GLIS3: variants seen among roughly 807,000 people sequenced by gnomAD.
GLIS3 encodes the protein GLIS family zinc finger 3, also known as zinc finger protein GLIS3.
A neutral mutation model predicts 78.6 loss-of-function variants in GLIS3; 53 were observed. That is an observed-to-expected ratio of 0.67 (90% confidence interval 0.54 to 0.85). The LOEUF (loss-of-function observed/expected upper bound fraction) is 0.85. GLIS3 is among the 40% of genes least tolerant of loss of function. The pLI is 0.00. For synonymous variants in GLIS3, 684 were observed against 509.9 expected, an observed-to-expected ratio of 1.34 and a Z score of -4.60; for missense variants, 1,703 against 1,231.1, an observed-to-expected ratio of 1.38 and a Z score of -5.74.
At chr9:4,025,633 G>A (rs753386656) in intron 4 of GLIS3, among the ~76,000 whole-genome samples, 9 of 152,076 alleles carry the variant, frequency 5.9e-5, no homozygotes, top group Non-Finnish European at 8.8e-5. Context: ...TGATCCGCCC[G>A]TCTCAGCCTC....
At chr9:4,461,676 T>C in the GLIS3 span, among the ~76,000 whole-genome samples, 1 of 152,144 alleles carries the variant, frequency 6.6e-6, no homozygotes, top group African/African-American at 2.4e-5. Context: ...GAAAATAATA[T>C]GTACATTTTG....
intron 4 of GLIS3, among the ~76,000 whole-genome samples, chr9:4,096,305 T>C (rs1381818312): frequency 2.0e-5 from 3 of 152,176 alleles, no homozygotes; most frequent in South Asian, 2.1e-4. Flanking sequence ...TTCCTACCAG[T>C]TGTGTTATAA....
intron 4 of GLIS3, among the ~76,000 whole-genome samples, chr9:4,096,198 T>TA (rs1829933719): frequency 6.6e-6 from 1 of 152,194 alleles, no homozygotes; most frequent in African/African-American, 2.4e-5. Flanking sequence ...AAAAGTGACT[T>TA]AAAATCTGTG....
the GLIS3 span, among the ~76,000 whole-genome samples, chr9:4,363,292 A>G: frequency 1.3e-5 from 2 of 152,134 alleles, no homozygotes; most frequent in South Asian, 4.1e-4. Flanking sequence ...GTGTGGTGGC[A>G]CATGCCTGTA....
intron 4 of GLIS3, among the ~76,000 whole-genome samples, chr9:4,020,712 A>G (rs1822817154): frequency 6.6e-6 from 1 of 152,206 alleles, no homozygotes; most frequent in Non-Finnish European, 1.5e-5. Flanking sequence ...TCTCCCAATT[A>G]TTTACACGGT....
chr9:4,280,234 A>G (rs1310565714), intron 2 of GLIS3, among the ~76,000 whole-genome samples: 1 of 152,304 alleles, frequency 6.6e-6, no homozygotes, highest in Non-Finnish European at 1.5e-5. Context: ...TGTTGCCCAG[A>G]CTGGTCTTGA....
intron 4 of GLIS3, among the ~76,000 whole-genome samples, chr9:4,090,455 A>T (rs77053424): frequency 1.1e-4 from 15 of 133,476 alleles, no homozygotes; most frequent in African/African-American, 3.0e-4. Context: ...CTTAAAGTTT[A>T]AAAAAAAAAA....
chr9:4,372,399 G>A, the GLIS3 span, among the ~76,000 whole-genome samples: 4 of 151,858 alleles, frequency 2.6e-5, no homozygotes, highest in African/African-American at 4.8e-5. Flanking sequence ...CCCTCCCATG[G>A]TTAGCTAATT....
chr9:3,923,593 T>TTC (rs34587773), intron 6 of GLIS3, among the ~76,000 whole-genome samples: 1 of 149,008 alleles, frequency 6.7e-6, no homozygotes, highest in East Asian at 2.0e-4. Flanking sequence ...GTTTTTTTTT[T>TTC]CTCTATAGTA....
intron 2 of GLIS3, among the ~76,000 whole-genome samples, chr9:4,221,727 TA>T (rs1821345920): frequency 6.6e-6 from 1 of 152,202 alleles, no homozygotes; most frequent in Non-Finnish European, 1.5e-5. Context: ...GGAAACACAT[TA>T]CAAAGGAGCA....
At chr9:4,459,620 C>G in the GLIS3 span, among the ~76,000 whole-genome samples, 52,080 of 152,006 alleles carry the variant, frequency 0.34, 9,993 homozygotes, top group Non-Finnish European at 0.44. Context: ...TAAAAATTAG[C>G]TAAGCATGGT....
At chr9:4,134,523 C>T (rs1291108342) in intron 2 of GLIS3, among the ~76,000 whole-genome samples, 1 of 152,160 alleles carries the variant, frequency 6.6e-6, no homozygotes, top group East Asian at 1.9e-4. Flanking sequence ...CTCTAAAAGA[C>T]AAATAATACT....
chr9:4,125,699 C>A (rs920113438), intron 3 of GLIS3, 35 bp downstream of exon 3: 15 of 1,497,436 alleles, frequency 1.0e-5, no homozygotes, highest in Non-Finnish European at 1.2e-5. Flanking sequence ...GTGTTTATAC[C>A]ATAAAGAAAG....
At chr9:4,009,716 C>G (rs555898213) in intron 4 of GLIS3, among the ~76,000 whole-genome samples, 1 of 152,296 alleles carries the variant, frequency 6.6e-6, no homozygotes, top group South Asian at 2.1e-4. Flanking sequence ...TGTCAGGCAC[C>G]ACCAGAGCGG....
At chr9:3,914,334 T>A (rs979591465) in intron 6 of GLIS3, among the ~76,000 whole-genome samples, 1 of 147,932 alleles carries the variant, frequency 6.8e-6, no homozygotes, top group African/African-American at 2.5e-5. Flanking sequence ...TTTTTGGATT[T>A]TTTTTTTTTT....
chr9:4,027,215 G>A (rs1178855480), intron 4 of GLIS3, among the ~76,000 whole-genome samples: 1 of 152,196 alleles, frequency 6.6e-6, no homozygotes, highest in Non-Finnish European at 1.5e-5. Flanking sequence ...TTATTTAACT[G>A]AACAACGCTT....
the GLIS3 span, among the ~76,000 whole-genome samples, chr9:4,358,989 C>T: frequency 2.0e-5 from 3 of 152,144 alleles, no homozygotes; most frequent in South Asian, 2.1e-4. Context: ...CTAGTCCCAT[C>T]CTCAGCAATC....
chr9:4,125,970 C>T, intron 2 of GLIS3, 29 bp from the exon 3 acceptor site: 2 of 1,546,212 alleles, frequency 1.3e-6, no homozygotes, highest in East Asian at 2.2e-5. Flanking sequence ...GGTTAGCTTT[C>T]ATGTCCCTTA....
intron 4 of GLIS3, among the ~76,000 whole-genome samples, chr9:4,117,283 A>C (rs937408326): frequency 1.3e-5 from 2 of 152,226 alleles, no homozygotes; most frequent in African/African-American, 4.8e-5. Flanking sequence ...GCATGCCGAA[A>C]CACTTTTACT....
Sources: gnomAD v4.1 joint callset for allele counts (sites outside exome capture counted in the v4.1 genomes callset) on GRCh38, gnomAD v4.1.1 for gene constraint, MANE v1.5 for transcripts, NCBI Gene and HGNC (gene_info 2026-07-23, HGNC 2026-07-21) for gene names.